ZBBX: variants seen among roughly 807,000 people sequenced by gnomAD.
ZBBX encodes zinc finger B-box domain containing.
A neutral mutation model predicts 108.5 loss-of-function variants in ZBBX; 101 were observed. The observed-to-expected ratio is 0.93, with a 90% confidence interval of 0.79 to 1.10. The LOEUF (loss-of-function observed/expected upper bound fraction) is 1.10. Ranked by LOEUF, ZBBX falls within the 50% of genes least tolerant of loss-of-function variation. The pLI is 0.00. For missense variants in ZBBX, 1,009 were observed against 941.4 expected (o/e 1.07, Z -0.94); for synonymous variants, 356 against 323.4 (o/e 1.10, Z -1.08).
intron 18 of ZBBX, among the ~76,000 whole-genome samples, chr3:167,291,502 T>C (rs1730686484): frequency 6.6e-6 from 1 of 152,034 alleles, no homozygotes; most frequent in African/African-American, 2.4e-5. Context: ...GACAAGCAAA[T>C]GCTGAGAGAT....
intron 19 of ZBBX, among the ~76,000 whole-genome samples, chr3:167,283,793 C>G (rs1361808437): frequency 1.3e-5 from 2 of 152,120 alleles, no homozygotes; most frequent in Admixed American, 6.6e-5. Context: ...CAGGCGCGTG[C>G]CACCACACCC....
intron 4 of ZBBX, among the ~76,000 whole-genome samples, chr3:167,368,974 C>T (rs532746373): frequency 2.3e-4 from 35 of 152,002 alleles, no homozygotes; most frequent in South Asian, 8.3e-4. Context: ...AAACAATAGA[C>T]GAAATATACA....
chr3:167,227,352 T>A, the ZBBX span, among the ~76,000 whole-genome samples: 2 of 151,752 alleles, frequency 1.3e-5, no homozygotes, highest in Non-Finnish European at 3.0e-5. Context: ...TTTACCTAAT[T>A]CTGAATAAGA....
intron 8 of ZBBX, among the ~76,000 whole-genome samples, chr3:167,352,791 G>T (rs1417872931): frequency 6.6e-6 from 1 of 150,718 alleles, no homozygotes; most frequent in African/African-American, 2.4e-5. Flanking sequence ...AATAAAGTGG[G>T]TTTTATCCAG....
intron 20 of ZBBX, among the ~76,000 whole-genome samples, chr3:167,254,887 T>TGAGAGAGAGAGAGAAAGAGA (rs1723207724): frequency 1.8e-4 from 25 of 141,156 alleles, no homozygotes; most frequent in Admixed American, 2.1e-4. Flanking sequence ...TGTGTGTGTG[T>TGAGAGAGAGAGAGAAAGAGA]GAGAGAGAGA....
At position 167,365,962 on chromosome 3, in the gene ZBBX, T is replaced by A; in HGVS notation, c.197A>T (p.Tyr66Phe). The A allele has an allele frequency of 6.2e-7, 1 of 1,606,782 alleles. No homozygotes were observed. Among genetic ancestry groups the A allele is most frequent in the South Asian group, 1.1e-5 (1 of 90,426 alleles). ...EKEDRESSEYYWKSGKVGKLV... is the reference protein window; with the variant it reads ...EKEDRESSEYFWKSGKVGKLV... Reference sequence around the variant, plus strand: ...TTTGCCCACTTTTCCAGATTTCCAGTAATACTCGCTTGACCTTTAATATAT... The same window carrying A: ...TTTGCCCACTTTTCCAGATTTCCAGAAATACTCGCTTGACCTTTAATATAT... The change falls in exon 6 of 22, where the codon TAC becomes TTC. Residue 66 changes from tyrosine (Y) to phenylalanine (F), a missense_variant. Transcript: ENST00000675490.
At chr3:167,403,849 T>C (rs1748499849) in intron 1 of ZBBX, among the ~76,000 whole-genome samples, 1 of 151,960 alleles carries the variant, frequency 6.6e-6, no homozygotes. Context: ...TTAATACTAC[T>C]TTAAACTAAT....
downstream of ZBBX, among the ~76,000 whole-genome samples, chr3:167,236,910 AAAAGGAATTAATTTGGATAGAGATTAGAT>A (rs1438187896): frequency 2.0e-5 from 3 of 151,858 alleles, no homozygotes; most frequent in Admixed American, 1.3e-4. Flanking sequence ...AAAAAGGGGC[AAAAGGAATTAATTTGGATAGAGATTAGAT>A]AAATGCTCTT....
At chr3:167,309,322 T>C (rs1734193291) in intron 16 of ZBBX, among the ~76,000 whole-genome samples, 1 of 152,162 alleles carries the variant, frequency 6.6e-6, no homozygotes, top group African/African-American at 2.4e-5. Context: ...ATGGTGGCTC[T>C]CTTCTCACAG....
chr3:167,406,346 A>T (rs1418393945), intron 1 of ZBBX, among the ~76,000 whole-genome samples: 1 of 152,224 alleles, frequency 6.6e-6, no homozygotes, highest in African/African-American at 2.4e-5. Flanking sequence ...ATATAATTGG[A>T]GACACTCCCC....
At chr3:167,361,659 T>G (rs1444638440) in intron 6 of ZBBX, among the ~76,000 whole-genome samples, 1 of 152,208 alleles carries the variant, frequency 6.6e-6, no homozygotes, top group Non-Finnish European at 1.5e-5. Flanking sequence ...ACTGCTCAGA[T>G]GCTATGTACT....
At chr3:167,201,206 G>A in the ZBBX span, among the ~76,000 whole-genome samples, 2 of 152,176 alleles carry the variant, frequency 1.3e-5, no homozygotes, top group African/African-American at 4.8e-5. Flanking sequence ...GAAAGACAAA[G>A]TTTATATTTT....
intron 19 of ZBBX, among the ~76,000 whole-genome samples, chr3:167,284,673 GTACA>G: frequency 6.6e-6 from 1 of 152,184 alleles, no homozygotes; most frequent in East Asian, 1.9e-4. Context: ...TTGAGAAAAA[GTACA>G]CAAAGGACAG....
the ZBBX span, among the ~76,000 whole-genome samples, chr3:167,183,675 A>C: frequency 6.6e-6 from 1 of 152,224 alleles, no homozygotes; most frequent in Non-Finnish European, 1.5e-5. Context: ...CGCCACAGGA[A>C]CATGTCCGTA....
At chr3:167,232,735 G>A in the ZBBX span, among the ~76,000 whole-genome samples, 4 of 151,802 alleles carry the variant, frequency 2.6e-5, no homozygotes, top group Non-Finnish European at 4.4e-5. Flanking sequence ...AAGTGTTTAT[G>A]ATGATAACTT....
chr3:167,322,229 C>T lies in ZBBX; in HGVS notation c.871G>A (p.Glu291Lys). ...NLHAAVKDSL[E>K]ECEVQTNLKI... ...AGATTAGTCTGTACTTCGCATTCTT[C>T]CAATGAGTCTGTAAAAATAAACACA... The change falls in exon 12 of 22, where the codon GAA becomes AAA. Residue 291 changes from glutamate to lysine, a missense_variant. By Grantham distance (56) the Glu-to-Lys change is moderately conservative. Coordinates refer to ENST00000675490, the MANE Select transcript of ZBBX (RefSeq NM_001199201.2). The T allele has an allele frequency of 6.9e-7, 1 of 1,453,900 alleles. No individual in the cohort carries two copies. The highest frequency in any genetic ancestry group is 9.1e-7 in the Non-Finnish European group (1 of 1,103,056). The allele number at this position is 1,453,900 out of a possible 1,614,324, so 90.1% of individuals were successfully genotyped here.
chr3:167,259,575 T>G (rs1217731828), intron 20 of ZBBX, among the ~76,000 whole-genome samples: 1 of 152,130 alleles, frequency 6.6e-6, no homozygotes, highest in Non-Finnish European at 1.5e-5. Flanking sequence ...AGAATGTCAG[T>G]TTGTGCTCTT....
At chr3:167,341,573 C>G (rs932165431) in intron 9 of ZBBX, among the ~76,000 whole-genome samples, 8 of 151,860 alleles carry the variant, frequency 5.3e-5, no homozygotes, top group Non-Finnish European at 1.2e-4. Context: ...ACTTAGAAAG[C>G]AATCTCAAAA....
chr3:167,301,954 T>TAAAAA (rs71176635), intron 17 of ZBBX, among the ~76,000 whole-genome samples: 14 of 92,132 alleles, frequency 1.5e-4, no homozygotes, highest in African/African-American at 4.7e-4. Flanking sequence ...AAGACTCCGT[T>TAAAAA]AAAAAAAAAA....
Sources: gnomAD v4.1 joint callset for allele counts (sites outside exome capture counted in the v4.1 genomes callset) on GRCh38, gnomAD v4.1.1 for gene constraint, MANE v1.5 for transcripts, NCBI Gene and HGNC (gene_info 2026-07-23, HGNC 2026-07-21) for gene names.